Variants in NFIA observed in about 807,000 individuals in gnomAD.
NFIA encodes the protein nuclear factor I A, also known as nuclear factor 1 A-type.
A neutral mutation model predicts 62.8 loss-of-function variants in NFIA; 8 were observed. That is an observed-to-expected ratio of 0.13 (90% confidence interval 0.07 to 0.23). The LOEUF (loss-of-function observed/expected upper bound fraction) is 0.23. NFIA is among the 10% of genes least tolerant of loss of function. The pLI is 1.00. For missense variants in NFIA, 410 were observed against 642.1 expected (o/e 0.64, Z 3.91); for synonymous variants, 235 against 238.1 (o/e 0.99, Z 0.12).
chr1:61,251,880 C>T (rs1401305645), intron 2 of NFIA, among the ~76,000 whole-genome samples: 7 of 152,108 alleles, frequency 4.6e-5, no homozygotes, highest in South Asian at 4.1e-4. Flanking sequence ...GACTATTTTT[C>T]GTGTTCTTTA....
At chr1:61,228,950 T>G (rs1654498886) in intron 2 of NFIA, among the ~76,000 whole-genome samples, 1 of 152,176 alleles carries the variant, frequency 6.6e-6, no homozygotes, top group African/African-American at 2.4e-5. Flanking sequence ...CTATTAATTA[T>G]TTGTGCCTTT....
At chr1:61,309,146 C>T (rs771338420) in intron 3 of NFIA, among the ~76,000 whole-genome samples, 19 of 152,274 alleles carry the variant, frequency 1.2e-4, no homozygotes, top group Admixed American at 4.6e-4. Flanking sequence ...TTCCTTCTTT[C>T]GTCTGAGCTC....
At chr1:61,177,069 G>A (rs1252450033) in intron 2 of NFIA, among the ~76,000 whole-genome samples, 1 of 151,590 alleles carries the variant, frequency 6.6e-6, no homozygotes. Flanking sequence ...TCGCACCACT[G>A]CACTCCAGCC....
chr1:61,328,119 G>A (rs574197566), intron 3 of NFIA, among the ~76,000 whole-genome samples: 33 of 140,944 alleles, frequency 2.3e-4, no homozygotes, highest in African/African-American at 7.0e-4. Context: ...TTTTTTTCTT[G>A]TTGATTTATT....
At position 61,441,292 on chromosome 1, in the gene NFIA, GGTGTGTGTGT is replaced by G. The variant is rs763246425; in HGVS notation, c.1513-13978_1513-13969del. ...TTACTTTCATAGACTGCCGTGCAGG[GGTGTGTGTGT>G]GTGTGTGTGTGTGTGTGTGTGTGTG... On this transcript the variant is annotated intron_variant, in intron 10 of 10. Coordinates refer to ENST00000403491, the MANE Select transcript of NFIA (RefSeq NM_001134673.4). 4.0e-4 allele frequency among the ~76,000 whole-genome samples: 56 copies of G among 139,466 alleles called. 2 individuals are homozygous for G. The East Asian group carries it at 8.1e-3, about 20-fold the overall frequency. The allele number at this position is 139,466 out of a possible 152,430, so 91.5% of individuals were successfully genotyped here.
At chr1:61,314,312 G>A (rs1406087781) in intron 3 of NFIA, among the ~76,000 whole-genome samples, 1 of 152,112 alleles carries the variant, frequency 6.6e-6, no homozygotes, top group Admixed American at 6.5e-5. Flanking sequence ...TGGACTGCAA[G>A]GACCTGAAGG....
At chr1:61,375,850 C>A (rs145740926) in intron 6 of NFIA, among the ~76,000 whole-genome samples, 150 of 152,290 alleles carry the variant, frequency 9.8e-4, no homozygotes, top group African/African-American at 3.5e-3. Flanking sequence ...ATTCCTCCTT[C>A]GTTTCATGGA....
At chr1:61,323,839 C>T (rs1660796004) in intron 3 of NFIA, among the ~76,000 whole-genome samples, 1 of 152,104 alleles carries the variant, frequency 6.6e-6, no homozygotes, top group Non-Finnish European at 1.5e-5. Flanking sequence ...TTATTACACA[C>T]CTAGAATAAA....
At chr1:61,198,055 C>G (rs1570362503) in intron 2 of NFIA, among the ~76,000 whole-genome samples, 1 of 152,158 alleles carries the variant, frequency 6.6e-6, no homozygotes. Context: ...ATTCCCACTT[C>G]AAGTAGAGTA....
intron 1 of NFIA, among the ~76,000 whole-genome samples, chr1:61,083,216 C>T (rs930383087): frequency 5.3e-5 from 8 of 152,014 alleles, no homozygotes; most frequent in Admixed American, 2.6e-4. Context: ...TTTCTGCTGC[C>T]GGGAGCAGGG....
At chr1:61,438,276 G>C (rs1667420650) in intron 10 of NFIA, among the ~76,000 whole-genome samples, 1 of 152,154 alleles carries the variant, frequency 6.6e-6, no homozygotes, top group Non-Finnish European at 1.5e-5. Context: ...GTTATGTAAA[G>C]ACTCAGTCTA....
At chr1:61,260,637 G>A (rs1265420254) in intron 2 of NFIA, among the ~76,000 whole-genome samples, 1 of 152,200 alleles carries the variant, frequency 6.6e-6, no homozygotes, top group African/African-American at 2.4e-5. Context: ...CTGGAGTGCA[G>A]TGGCCTGATC....
intron 2 of NFIA, among the ~76,000 whole-genome samples, chr1:61,119,415 A>T (rs1646850480): frequency 6.6e-6 from 1 of 152,232 alleles, no homozygotes; most frequent in African/African-American, 2.4e-5. Context: ...ACTTGAACGT[A>T]AAATTGTTTA....
chr1:61,202,758 TTAGCAGGATG>T (rs1379670872), intron 2 of NFIA, among the ~76,000 whole-genome samples: 1 of 152,204 alleles, frequency 6.6e-6, no homozygotes, highest in East Asian at 1.9e-4. Flanking sequence ...AGGAGGAGAA[TTAGCAGGATG>T]TAAAATAAAA....
chr1:61,092,348 G>A (rs998652180), intron 2 of NFIA, among the ~76,000 whole-genome samples: 1 of 152,196 alleles, frequency 6.6e-6, no homozygotes, highest in Non-Finnish European at 1.5e-5. Context: ...CCTAATGGCA[G>A]CAGTATGAGT....
At chr1:61,142,827 C>T (rs760803763) in intron 2 of NFIA, among the ~76,000 whole-genome samples, 10 of 152,200 alleles carry the variant, frequency 6.6e-5, no homozygotes, top group Non-Finnish European at 1.3e-4. Context: ...ATGGAAAGCG[C>T]CTGCCCCTGT....
At chr1:61,178,373 A>G (rs1050591592) in intron 2 of NFIA, among the ~76,000 whole-genome samples, 1 of 152,176 alleles carries the variant, frequency 6.6e-6, no homozygotes, top group Non-Finnish European at 1.5e-5. Flanking sequence ...TTTGGCTTCC[A>G]TATTAGTGAT....
At chr1:61,424,706 A>G (rs1441998309) in intron 9 of NFIA, among the ~76,000 whole-genome samples, 3 of 152,230 alleles carry the variant, frequency 2.0e-5, no homozygotes, top group African/African-American at 7.2e-5. Flanking sequence ...CTCTAAGAGC[A>G]GGGGAACACA....
chr1:61,090,815 G>T (rs780599357), intron 2 of NFIA, among the ~76,000 whole-genome samples: 12 of 152,178 alleles, frequency 7.9e-5, no homozygotes, highest in Non-Finnish European at 1.6e-4. Context: ...CTGCTTCTCT[G>T]TGCGCGCAAC....
Sources: allele counts gnomAD v4.1 joint callset (sites outside exome capture counted in the v4.1 genomes callset), GRCh38; gene constraint gnomAD v4.1.1; transcripts MANE v1.5; gene names NCBI Gene and HGNC (gene_info 2026-07-23, HGNC 2026-07-21).